Variants in RCOR1 observed in about 807,000 individuals in gnomAD.
RCOR1 encodes the protein REST corepressor 1, also known as REST corepressor.
A neutral mutation model predicts 64.0 loss-of-function variants in RCOR1; 12 were observed. That is an observed-to-expected ratio of 0.19 (90% confidence interval 0.12 to 0.30). The LOEUF (loss-of-function observed/expected upper bound fraction) is 0.30. Ranked by LOEUF, RCOR1 falls within the 10% of genes least tolerant of loss-of-function variation. The pLI, the probability that RCOR1 is intolerant of heterozygous loss-of-function variation, is 1.00. For missense variants in RCOR1, 502 were observed against 621.2 expected, an observed-to-expected ratio of 0.81 and a Z score of 2.04; for synonymous variants, 279 against 227.2, an observed-to-expected ratio of 1.23 and a Z score of -2.05.
chr14:102,680,200 A>G (rs1195173139), intron 2 of RCOR1, among the ~76,000 whole-genome samples: 1 of 152,098 alleles, frequency 6.6e-6, no homozygotes, highest in Non-Finnish European at 1.5e-5. Flanking sequence ...GTATATAGAA[A>G]TAGAATTGAC....
chr14:102,633,952 A>G (rs1595204542), intron 2 of RCOR1, among the ~76,000 whole-genome samples: 1 of 152,332 alleles, frequency 6.6e-6, no homozygotes, highest in South Asian at 2.1e-4. Flanking sequence ...TTTTTGAGGT[A>G]TGACATTTAA....
chr14:102,721,131 A>G, intron 9 of RCOR1, 47 bp downstream of exon 9: 2 of 1,232,350 alleles, frequency 1.6e-6, no homozygotes, highest in Non-Finnish European at 2.3e-6. Flanking sequence ...CAAGTTTTAC[A>G]TGTTTAAGAA....
intron 2 of RCOR1, among the ~76,000 whole-genome samples, chr14:102,669,323 AG>A (rs1894984004): frequency 2.0e-5 from 3 of 150,948 alleles, no homozygotes; most frequent in African/African-American, 7.3e-5. Context: ...AAAAAAAAAA[AG>A]AGAAAAGAAA....
At chr14:102,636,114 A>G (rs974433826) in intron 2 of RCOR1, among the ~76,000 whole-genome samples, 4 of 146,566 alleles carry the variant, frequency 2.7e-5, no homozygotes, top group Admixed American at 1.4e-4. Context: ...TTGTTTTTGT[A>G]TTTTTAGTAG....
intron 2 of RCOR1, among the ~76,000 whole-genome samples, chr14:102,654,760 G>A (rs1055712437): frequency 2.0e-5 from 3 of 147,902 alleles, no homozygotes; most frequent in Non-Finnish European, 3.0e-5. Context: ...TTGGTATCTT[G>A]GCCACACCTC....
At chr14:102,673,223 A>G (rs962254775) in intron 2 of RCOR1, among the ~76,000 whole-genome samples, 2 of 151,974 alleles carry the variant, frequency 1.3e-5, no homozygotes, top group Admixed American at 1.3e-4. Flanking sequence ...GATATTATAC[A>G]TTTCCTTTAA....
chr14:102,663,943 G>A (rs1297508244), intron 2 of RCOR1, among the ~76,000 whole-genome samples: 7 of 152,108 alleles, frequency 4.6e-5, no homozygotes, highest in Non-Finnish European at 1.0e-4. Flanking sequence ...GAGAAGGTAA[G>A]ATGTTATTAG....
intron 2 of RCOR1, among the ~76,000 whole-genome samples, chr14:102,597,699 C>G (rs1020494292): frequency 4.0e-5 from 5 of 125,044 alleles, no homozygotes; most frequent in Non-Finnish European, 7.9e-5. Flanking sequence ...TGCAGTGGCA[C>G]AATCAGCTCA....
chr14:102,676,636 A>C (rs1895166726), intron 2 of RCOR1, among the ~76,000 whole-genome samples: 2 of 89,884 alleles, frequency 2.2e-5, no homozygotes, highest in Non-Finnish European at 4.4e-5. Context: ...TGGGGGGCTG[A>C]TCCCCCCACC....
intron 3 of RCOR1, among the ~76,000 whole-genome samples, chr14:102,684,117 A>G (rs1176098753): frequency 6.6e-6 from 1 of 152,124 alleles, no homozygotes; most frequent in Non-Finnish European, 1.5e-5. Context: ...TCCAGAATCC[A>G]ACTCGCACGG....
chr14:102,614,568 G>A (rs1303252595), intron 2 of RCOR1, among the ~76,000 whole-genome samples: 1 of 152,082 alleles, frequency 6.6e-6, no homozygotes, highest in African/African-American at 2.4e-5. Flanking sequence ...CTCCCAGACT[G>A]AATTAAGATT....
chr14:102,720,679 G>A (rs772342218), intron 8 of RCOR1, among the ~76,000 whole-genome samples: 15 of 152,176 alleles, frequency 9.9e-5, no homozygotes, highest in Non-Finnish European at 2.9e-5. Context: ...TAAGCCCAGG[G>A]ATTTCTTCTG....
At chr14:102,651,794 C>A (rs1219315261) in intron 2 of RCOR1, among the ~76,000 whole-genome samples, 1 of 152,088 alleles carries the variant, frequency 6.6e-6, no homozygotes, top group Non-Finnish European at 1.5e-5. Flanking sequence ...CTGCTGCTGG[C>A]AACTTCTGGG....
chr14:102,604,170 A>G (rs1251946695), intron 2 of RCOR1, among the ~76,000 whole-genome samples: 3 of 152,148 alleles, frequency 2.0e-5, no homozygotes, highest in African/African-American at 4.8e-5. Flanking sequence ...TTGGCCTGCT[A>G]TTAGCTAGTT....
chr14:102,723,809 G>A (rs958528417), intron 11 of RCOR1, among the ~76,000 whole-genome samples: 2 of 152,108 alleles, frequency 1.3e-5, no homozygotes, highest in South Asian at 2.1e-4. Flanking sequence ...TTCCGGCTTC[G>A]GTCCCAGGAT....
At chr14:102,723,177 G>T (rs150488126) in intron 11 of RCOR1, among the ~76,000 whole-genome samples, 14 of 152,326 alleles carry the variant, frequency 9.2e-5, no homozygotes, top group Middle Eastern at 3.4e-3. Flanking sequence ...GGTAATTTAA[G>T]AATTAATTTA....
In RCOR1 at chr14:102,684,125, C is replaced by T. The variant is rs536785348; in HGVS notation, c.445+2147C>T. Among the ~76,000 whole-genome samples the T allele has an allele frequency of 9.2e-5, 14 of 152,314 alleles. No individual in the cohort carries two copies. The East Asian group carries it at 1.7e-3, about 19-fold the overall frequency. ...GTCTTCCTCCAGAATCCAACTCGCA[C>T]GGGAGGCCCCAGCACCCCTGCCCCC... On this transcript the variant is annotated intron_variant, in intron 3 of 11. Transcript: ENST00000262241.
intron 2 of RCOR1, among the ~76,000 whole-genome samples, chr14:102,677,902 C>CTGGGCACCCACGCCACTGCACTCCAGCT (rs1478557775): frequency 1.8e-4 from 28 of 151,918 alleles, no homozygotes; most frequent in African/African-American, 6.5e-4. Context: ...GCACTCCAGC[C>CTGGGCACCCACGCCACTGCACTCCAGCT]TGGGCACCAT....
intron 2 of RCOR1, among the ~76,000 whole-genome samples, chr14:102,633,488 T>G (rs1321846223): frequency 6.6e-6 from 1 of 152,006 alleles, no homozygotes; most frequent in Non-Finnish European, 1.5e-5. Context: ...GCCACCATGC[T>G]TGGCTACCCC....
Sources: gnomAD v4.1 joint callset for allele counts (sites outside exome capture counted in the v4.1 genomes callset) on GRCh38, gnomAD v4.1.1 for gene constraint, MANE v1.5 for transcripts, NCBI Gene and HGNC (gene_info 2026-07-23, HGNC 2026-07-21) for gene names.